EDDM3B: variants seen among roughly 807,000 people sequenced by gnomAD.
The protein encoded by EDDM3B is epididymal protein 3B, also known as epididymal secretory protein E3-beta.
For missense variants in EDDM3B, 189 were observed against 178.3 expected, an observed-to-expected ratio of 1.06 and a Z score of -0.34; for synonymous variants, 71 against 59.1, an observed-to-expected ratio of 1.20 and a Z score of -0.92.
rs1277023988 is a variant in EDDM3B at position 20,770,588 on chromosome 14, C to T, written c.438C>T (p.Gly146=). 6.2e-7 allele frequency: 1 copy of T among 1,608,944 alleles called. No homozygotes were observed. The highest frequency in any genetic ancestry group is 1.1e-5 in the South Asian group (1 of 90,292). ...ACCTAAAGATGGTAGAACCTATCGG[C>T]AACTAGAAAGTCTATGCACATCCTC... The part of the protein sequence containing the change: ...IEDLKMVEPI[G]N Residue 146 remains glycine (G), a synonymous_variant, in exon 2 of 2, where the codon GGC becomes GGT. Coordinates refer to ENST00000326783, the MANE Select transcript of EDDM3B (RefSeq NM_022360.5).
At chr14:20,768,694 T>C (rs1474018849) in intron 1 of EDDM3B, among the ~76,000 whole-genome samples, 188 bp downstream of exon 1, 2 of 152,180 alleles carry the variant, frequency 1.3e-5, no homozygotes, top group Admixed American at 6.5e-5. Context: ...CCCCCAGTCT[T>C]CTCAAACACA....
At position 20,770,401 on chromosome 14, in the gene EDDM3B, A is replaced by G. The variant is rs369431117; in HGVS notation, c.251A>G (p.Asn84Ser). The G allele has an allele frequency of 1.7e-5, 28 of 1,614,186 alleles. No individual in the cohort carries two copies. Among genetic ancestry groups the G allele is most frequent in the Non-Finnish European group, 2.0e-5 (24 of 1,180,030 alleles). The change falls in exon 2 of 2, where the codon AAC becomes AGC. Residue 84 changes from asparagine (N) to serine (S), a missense_variant. Transcript: ENST00000326783. ...YKIEHICTSDNWMDRFRNAYV... is the reference protein window; with the variant it reads ...YKIEHICTSDSWMDRFRNAYV... ...ATCGAGCATATATGCACTAGTGACA[A>G]CTGGATGGATCGCTTCCGAAATGCA...
Position 20,768,464 on chromosome 14 carries a change from A to AT in EDDM3B, c.-60dup, listed in dbSNP as rs1249889352. ...CTCTGCTCTTCAGATCCACACACTG[A>AT]TCCCAACTACAACCAGTGACCTGAA... On this transcript the variant is annotated 5_prime_UTR_variant, in exon 1 of 2. Coordinates refer to ENST00000326783, the MANE Select transcript of EDDM3B (RefSeq NM_022360.5). 5.9e-5 allele frequency: 9 copies of AT among 152,256 alleles called. No homozygotes were observed. The allele number at this position is 152,256 out of a possible 1,614,324, so 9.4% of individuals were successfully genotyped here.
Position 20,770,176 on chromosome 14 carries a change from G to A in EDDM3B, c.26G>A (p.Gly9Asp). MASSLKIW[G>D]TLLALLCILC... Reference sequence around the variant, plus strand: ...ATGGCATCGTCTCTAAAGATCTGGGGCACACTCTTGGCCCTACTTTGCATC... The same window carrying A: ...ATGGCATCGTCTCTAAAGATCTGGGACACACTCTTGGCCCTACTTTGCATC... Residue 9 changes from glycine to aspartate, a missense_variant, in exon 2 of 2, where the codon GGC becomes GAC. Gly to Asp is a moderately conservative substitution (Grantham distance 94). Coordinates refer to ENST00000326783, the MANE Select transcript of EDDM3B (RefSeq NM_022360.5). 1 of 1,612,900 alleles carries A rather than the reference G, an allele frequency of 6.2e-7. No homozygotes were observed. Among genetic ancestry groups the A allele is most frequent in the Non-Finnish European group, 8.5e-7 (1 of 1,179,144 alleles).
In EDDM3B at chr14:20,770,900, A is replaced by G. The variant is rs72666898; in HGVS notation, c.*306A>G. The G allele has an allele frequency of 0.043, 12,979 of 300,714 alleles. 338 individuals carry two copies. The highest frequency in any genetic ancestry group is 0.068 in the Middle Eastern group (60 of 876). 18.6% of individuals were successfully genotyped at this position (300,714 alleles called of 1,614,324 possible). A position where few individuals can be genotyped will look rare whatever the true frequency, so the allele number is the denominator to read the frequency against. On this transcript the variant is annotated 3_prime_UTR_variant, in exon 2 of 2. Transcript: ENST00000326783. ...CCTGATATTGACTCTCTTGATACATACCCAAGCTGAACAATCTTCCCTTCC... is the reference window on the plus strand; with the variant it reads ...CCTGATATTGACTCTCTTGATACATGCCCAAGCTGAACAATCTTCCCTTCC...
At position 20,770,183 on chromosome 14, in the gene EDDM3B, C is replaced by G. The variant is rs778671975; in HGVS notation, c.33C>G (p.Leu11=). 6.2e-7 allele frequency: 1 copy of G among 1,613,812 alleles called. No homozygotes were observed. Among genetic ancestry groups the G allele is most frequent in the African/African-American group, 1.3e-5 (1 of 74,896 alleles). The stretch of plus-strand genomic sequence containing the variant: ...CGTCTCTAAAGATCTGGGGCACACT[C>G]TTGGCCCTACTTTGCATCCTATGCA... MASSLKIWGT[L]LALLCILCTL... The change falls in exon 2 of 2, where the codon CTC becomes CTG. Residue 11 remains leucine (L), a synonymous_variant. Transcript: ENST00000326783.
At position 20,770,239 on chromosome 14, in the gene EDDM3B, G is replaced by C. The variant is rs763069055; in HGVS notation, c.89G>C (p.Trp30Ser). 15 of 1,614,014 alleles carry C rather than the reference G, an allele frequency of 9.3e-6. No homozygotes were observed. In the African/African-American group the frequency reaches 1.7e-4, roughly 19 times the overall value. The change falls in exon 2 of 2, where the codon TGG becomes TCG. Residue 30 changes from tryptophan (W) to serine (S), a missense_variant. Trp to Ser is a radical substitution (Grantham distance 177). Transcript: ENST00000326783. The stretch of plus-strand genomic sequence containing the variant: ...CTTGTACAGAGCAAAGAAGTTTCTT[G>C]GAGAGAATTCATGAAACAGCACTAC... ...TLLVQSKEVS[W>S]REFMKQHYLS...
Position 20,770,838 on chromosome 14 carries a change from C to G in EDDM3B, c.*244C>G. The G allele has an allele frequency of 2.2e-6, 1 of 450,026 alleles. No individual in the cohort carries two copies. The highest frequency in any genetic ancestry group is 4.1e-6 in the Non-Finnish European group (1 of 242,288). 27.9% of individuals were successfully genotyped at this position (450,026 alleles called of 1,614,324 possible). A position where few individuals can be genotyped will look rare whatever the true frequency, so the allele number is the denominator to read the frequency against. ...CTCTTATACTTTTGTCGACATTCAG[C>G]TCATATGGCATCTGTTCTTGATTAA... On this transcript the variant is annotated 3_prime_UTR_variant, in exon 2 of 2. Coordinates refer to ENST00000326783, the MANE Select transcript of EDDM3B (RefSeq NM_022360.5).
chr14:20,769,392 T>C (rs1878268529), intron 1 of EDDM3B, among the ~76,000 whole-genome samples: 2 of 152,148 alleles, frequency 1.3e-5, no homozygotes, highest in African/African-American at 4.8e-5. Flanking sequence ...ACAGTGAGAC[T>C]CTGTCTCAAA....
At chr14:20,768,929 T>G (rs1375244570) in intron 1 of EDDM3B, among the ~76,000 whole-genome samples, 2 of 152,178 alleles carry the variant, frequency 1.3e-5, no homozygotes, top group African/African-American at 2.4e-5. Flanking sequence ...GAGTTGTGAA[T>G]CAGGTTAGAG....
intron 1 of EDDM3B, among the ~76,000 whole-genome samples, chr14:20,769,150 C>T (rs887509241): frequency 1.3e-5 from 2 of 152,118 alleles, no homozygotes; most frequent in Non-Finnish European, 2.9e-5. Context: ...AGAATCCCAG[C>T]ACTTTGGGAA....
rs932810365 is a variant in EDDM3B, at chr14:20,770,775, T to C, written c.*181T>C. The C allele has an allele frequency of 5.1e-6, 3 of 592,042 alleles. No individual in the cohort carries two copies. 36.7% of individuals were successfully genotyped at this position (592,042 alleles called of 1,614,324 possible). A position where few individuals can be genotyped will look rare whatever the true frequency, so the allele number is the denominator to read the frequency against. The stretch of plus-strand genomic sequence containing the variant: ...CATAACTTTGCCTGTGTTGTTTCTC[T>C]GCCTGGAATACACTTTTGTCTTCAT... On this transcript the variant is annotated 3_prime_UTR_variant, in exon 2 of 2. Transcript: ENST00000326783.
At position 20,770,848 on chromosome 14, in the gene EDDM3B, A is replaced by T. The variant is rs45570443; in HGVS notation, c.*254A>T. On this transcript the variant is annotated 3_prime_UTR_variant, in exon 2 of 2. Coordinates refer to ENST00000326783, the MANE Select transcript of EDDM3B (RefSeq NM_022360.5). ...TTTGTCGACATTCAGCTCATATGGC[A>T]TCTGTTCTTGATTAACCCAAGACTT... 29,378 of 428,980 alleles carry T rather than the reference A, an allele frequency of 0.068. 2,245 individuals are homozygous for T. The highest frequency in any genetic ancestry group is 0.25 in the African/African-American group (12,578 of 49,836). The allele number at this position is 428,980 out of a possible 1,614,324, so 26.6% of individuals were successfully genotyped here. A position where few individuals can be genotyped will look rare whatever the true frequency, so the allele number is the denominator to read the frequency against.
In EDDM3B at chr14:20,770,832, A is replaced by T. The variant is rs1173358557; in HGVS notation, c.*238A>T. 1.1e-5 allele frequency: 5 copies of T among 470,198 alleles called. No homozygotes were observed. Among genetic ancestry groups the T allele is most frequent in the Non-Finnish European group, 2.0e-5 (5 of 255,080 alleles). The allele number at this position is 470,198 out of a possible 1,614,324, so 29.1% of individuals were successfully genotyped here. The stretch of plus-strand genomic sequence containing the variant: ...AATTTACTCTTATACTTTTGTCGAC[A>T]TTCAGCTCATATGGCATCTGTTCTT... On this transcript the variant is annotated 3_prime_UTR_variant, in exon 2 of 2. Transcript: ENST00000326783.
rs1878236787 is a variant in EDDM3B at position 20,768,477 on chromosome 14, C to T, written c.-48C>T. On this transcript the variant is annotated 5_prime_UTR_variant, in exon 1 of 2. Coordinates refer to ENST00000326783, the MANE Select transcript of EDDM3B (RefSeq NM_022360.5). ...ATCCACACACTGATCCCAACTACAA[C>T]CAGTGACCTGAACTTGGAGTCTGAG... 6.6e-6 allele frequency: 1 copy of T among 152,262 alleles called. No individual in the cohort carries two copies. Among genetic ancestry groups the T allele is most frequent in the South Asian group, 2.1e-4 (1 of 4,830 alleles). The allele number at this position is 152,262 out of a possible 1,614,324, so 9.4% of individuals were successfully genotyped here. A position where few individuals can be genotyped will look rare whatever the true frequency, so the allele number is the denominator to read the frequency against.
At chr14:20,769,306 C>G (rs771493298) in intron 1 of EDDM3B, among the ~76,000 whole-genome samples, 4 of 152,150 alleles carry the variant, frequency 2.6e-5, no homozygotes, top group Non-Finnish European at 5.9e-5. Context: ...GAGGCTGAGA[C>G]AGAGAATCTA....
chr14:20,770,418 C>T lies in EDDM3B; in HGVS notation c.268C>T (p.Arg90Ter), dbSNP rs201632508. Residue 90 changes from arginine (R) to a stop codon, truncating the protein, a stop_gained, in exon 2 of 2, where the codon CGA becomes TGA. Transcript: ENST00000326783. LOFTEE classifies it low-confidence loss of function (END_TRUNC). ...CTSDNWMDRFRNAYVWVQNPL... is the reference protein window; with the variant it reads ...CTSDNWMDRF Reference sequence around the variant, plus strand: ...TAGTGACAACTGGATGGATCGCTTCCGAAATGCATATGTATGGGTCCAGAA... The same window carrying T: ...TAGTGACAACTGGATGGATCGCTTCTGAAATGCATATGTATGGGTCCAGAA... 5.5e-5 allele frequency: 88 copies of T among 1,613,932 alleles called. No individual in the cohort carries two copies. Among genetic ancestry groups the T allele is most frequent in the East Asian group, 6.7e-5 (3 of 44,878 alleles).
rs1403449419 is a variant in EDDM3B, at chr14:20,770,547, G to A, written c.397G>A (p.Val133Ile). The A allele has an allele frequency of 6.2e-7, 1 of 1,614,138 alleles. No homozygotes were observed. Among genetic ancestry groups the A allele is most frequent in the Non-Finnish European group, 8.5e-7 (1 of 1,180,026 alleles). Reference sequence around the variant, plus strand: ...ATTCCATTGTAGCATGGACGGGTATGTTGATAGCATAGAAGACCTAAAGAT... The same window carrying A: ...ATTCCATTGTAGCATGGACGGGTATATTGATAGCATAGAAGACCTAAAGAT... ...IEFHCSMDGY[V>I]DSIEDLKMVE... The change falls in exon 2 of 2, where the codon GTT becomes ATT. Residue 133 changes from valine (V) to isoleucine (I), a missense_variant. Transcript: ENST00000326783.
Position 20,770,654 on chromosome 14 carries a change from C to T in EDDM3B, c.*60C>T. ...ATTCAGTGCTTTCTAAGTAGCAGCC[C>T]CTGCCTCCATCAATAGTCCTACCAC... On this transcript the variant is annotated 3_prime_UTR_variant, in exon 2 of 2. Transcript: ENST00000326783. The T allele has an allele frequency of 7.3e-7, 1 of 1,375,226 alleles. No individual in the cohort carries two copies. Among genetic ancestry groups the T allele is most frequent in the Non-Finnish European group, 1.0e-6 (1 of 1,002,176 alleles). 85.2% of individuals were successfully genotyped at this position (1,375,226 alleles called of 1,614,324 possible). A position where few individuals can be genotyped will look rare whatever the true frequency, so the allele number is the denominator to read the frequency against.
Sources: allele counts gnomAD v4.1 joint callset (sites outside exome capture counted in the v4.1 genomes callset), GRCh38; gene constraint gnomAD v4.1.1; transcripts MANE v1.5; gene names NCBI Gene and HGNC (gene_info 2026-07-23, HGNC 2026-07-21).